The following AKAP9 variants were observed in gnomAD, a reference collection of about 807,000 sequenced individuals.
AKAP9 encodes A-kinase anchoring protein 9, also known as A-kinase anchor protein 9.
Under a neutral mutation model 488.5 loss-of-function variants are expected in AKAP9, and 311 were observed. The observed-to-expected ratio is 0.64, with a 90% CI of 0.58 to 0.70. AKAP9 has a LOEUF of 0.70. Among genes scored for constraint, AKAP9 ranks in the 30% least tolerant of loss-of-function variants. AKAP9 has a pLI of 0.00. For synonymous variants in AKAP9, 1,462 were observed against 1,483.5 expected, an observed-to-expected ratio of 0.99 and a Z score of 0.33; for missense variants, 4,215 against 4,374.5, an observed-to-expected ratio of 0.96 and a Z score of 1.03.
At chr7:92,059,286 A>T (rs1200865759) in intron 22 of AKAP9, among the ~76,000 whole-genome samples, 1 of 151,988 alleles carries the variant, frequency 6.6e-6, no homozygotes, top group Non-Finnish European at 1.5e-5. Context: ...AGGAATAAAC[A>T]TACTCTAACT....
At chr7:92,012,282 T>C in intron 8 of AKAP9, 147 bp from the exon 9 acceptor site, 1 of 670,556 alleles carries the variant, frequency 1.5e-6, no homozygotes, top group Non-Finnish European at 2.5e-6. Flanking sequence ...GGTAGATCAA[T>C]GCAACAGCAC....
intron 14 of AKAP9, among the ~76,000 whole-genome samples, 190 bp from the exon 15 acceptor site, chr7:92,029,705 T>A (rs1269089841): frequency 6.6e-6 from 1 of 152,240 alleles, no homozygotes; most frequent in African/African-American, 2.4e-5. Flanking sequence ...GGTAAAATAC[T>A]GTTATTCAAT....
chr7:92,040,602 T>C (rs766194947), intron 17 of AKAP9, 72 bp from the exon 18 acceptor site: 1 of 1,088,466 alleles, frequency 9.2e-7, no homozygotes, highest in Non-Finnish European at 1.4e-6. Flanking sequence ...TTGTTTACAA[T>C]ATTAATGCTG....
At chr7:92,054,701 A>G (rs1243925574) in intron 22 of AKAP9, among the ~76,000 whole-genome samples, 2 of 152,116 alleles carry the variant, frequency 1.3e-5, no homozygotes, top group Non-Finnish European at 2.9e-5. Flanking sequence ...GCCCAGTGGT[A>G]TGTCCAAGTC....
chr7:92,014,532 G>A (rs1053687511), intron 10 of AKAP9, among the ~76,000 whole-genome samples: 1 of 152,142 alleles, frequency 6.6e-6, no homozygotes, highest in Non-Finnish European at 1.5e-5. Context: ...GGGAGACTGA[G>A]GCATTGGAAT....
chr7:92,042,854 T>C (rs1263418531), intron 20 of AKAP9, 83 bp downstream of exon 20: 2 of 915,012 alleles, frequency 2.2e-6, no homozygotes, highest in Non-Finnish European at 3.6e-6. Context: ...TATTTTTATC[T>C]TGTACATTGA....
chr7:92,097,440 T>G, intron 41 of AKAP9, 83 bp downstream of exon 41: 1 of 1,541,850 alleles, frequency 6.5e-7, no homozygotes, highest in Non-Finnish European at 8.8e-7. Flanking sequence ...TGGATTAAAT[T>G]ACTTAAATAG....
intron 2 of AKAP9, among the ~76,000 whole-genome samples, chr7:91,975,578 A>T (rs950072411): frequency 6.6e-6 from 1 of 152,180 alleles, no homozygotes; most frequent in African/African-American, 2.4e-5. Context: ...CAACTAAACT[A>T]GAAATGTTCA....
chr7:92,072,924 T>C (rs1811953839), intron 28 of AKAP9, among the ~76,000 whole-genome samples: 1 of 152,166 alleles, frequency 6.6e-6, no homozygotes, highest in African/African-American at 2.4e-5. Flanking sequence ...TTAAGGGAAG[T>C]TAAATAACTT....
At position 92,032,677 on chromosome 7, in the gene AKAP9, T is replaced by G. The variant is rs916200389; in HGVS notation, c.4338+1073T>G. 9.2e-5 allele frequency among the ~76,000 whole-genome samples: 14 copies of G among 152,190 alleles called. No individual in the cohort carries two copies. The South Asian group carries it at 1.2e-3, about 14-fold the overall frequency. On this transcript the variant is annotated intron_variant, in intron 16 of 49. Transcript: ENST00000356239. ...ATAAGGAATTAGGAAAAACATAAAT[T>G]CGATGAGGAAGTCAAGACCTAAGGA...
In AKAP9 at chr7:92,001,943, C is replaced by A; in HGVS notation, c.2026C>A (p.Gln676Lys). 6.2e-7 allele frequency: 1 copy of A among 1,612,712 alleles called. No individual in the cohort carries two copies. The highest frequency in any genetic ancestry group is 1.1e-5 in the South Asian group (1 of 90,858). ...AGATGGTTTACAGAATGAAATGAGTCAAAAGATAGAAACCATGCAGTTTGA... is the reference window on the plus strand; with the variant it reads ...AGATGGTTTACAGAATGAAATGAGTAAAAAGATAGAAACCATGCAGTTTGA... ...QIDGLQNEMS[Q>K]KIETMQFEKD... Residue 676 changes from glutamine (Q) to lysine (K), a missense_variant, in exon 8 of 50, where the codon CAA becomes AAA. Around this residue, in one of 5 missense-constraint regions of AKAP9, gnomAD observed 2,361 missense variants for 2,430.0 expected, o/e 0.97. Transcript: ENST00000356239.
At chr7:91,957,711 G>A (rs972696695) in intron 1 of AKAP9, among the ~76,000 whole-genome samples, 4 of 152,094 alleles carry the variant, frequency 2.6e-5, no homozygotes, top group Admixed American at 1.3e-4. Context: ...TGTTCCTCCT[G>A]TAACTAAAGT....
At chr7:92,015,427 C>A (rs1428540125) in intron 10 of AKAP9, among the ~76,000 whole-genome samples, 1 of 149,640 alleles carries the variant, frequency 6.7e-6, no homozygotes, top group Non-Finnish European at 1.5e-5. Context: ...TGCAGTGGCA[C>A]AATCTCGGTT....
rs1799077439 is a variant in AKAP9 at position 92,000,912 on chromosome 7, A to G, written c.995A>G (p.Glu332Gly). The G allele has an allele frequency of 6.9e-7, 1 of 1,456,526 alleles. No homozygotes were observed. The highest frequency in any genetic ancestry group is 9.2e-7 in the Non-Finnish European group (1 of 1,084,212). The allele number at this position is 1,456,526 out of a possible 1,614,324, so 90.2% of individuals were successfully genotyped here. ...EEIQEKETII[E>G]ELNTKIIEEE... ...ATACAGGAAAAGGAGACAATCATTG[A>G]AGAATTAAACACAAAAATAATAGAA... Residue 332 changes from glutamate (E) to glycine (G), a missense_variant, in exon 8 of 50, where the codon GAA becomes GGA. Glu to Gly is a moderately conservative substitution (Grantham distance 98). This residue lies in a region of AKAP9 where 2,361 missense variants were observed against 2,430.0 expected (regional missense o/e 0.97). Coordinates refer to ENST00000356239, the MANE Select transcript of AKAP9 (RefSeq NM_005751.5).
At chr7:92,051,707 T>C (rs1431501114) in intron 21 of AKAP9, among the ~76,000 whole-genome samples, 1 of 152,214 alleles carries the variant, frequency 6.6e-6, no homozygotes, top group Non-Finnish European at 1.5e-5. Context: ...GTAGCTCTTA[T>C]TTTGAGTGAA....
chr7:91,972,549 T>G (rs1300668264), intron 1 of AKAP9, among the ~76,000 whole-genome samples: 1 of 152,230 alleles, frequency 6.6e-6, no homozygotes, highest in Non-Finnish European at 1.5e-5. Flanking sequence ...GTTTTTTCAC[T>G]TCTCCATGGT....
At chr7:91,953,534 C>G (rs1470814900) in intron 1 of AKAP9, among the ~76,000 whole-genome samples, 2 of 152,106 alleles carry the variant, frequency 1.3e-5, no homozygotes, top group Non-Finnish European at 2.9e-5. Context: ...TTGGTACTTG[C>G]GGTTGTTGTG....
At chr7:92,023,219 A>G (rs527509815) in intron 14 of AKAP9, among the ~76,000 whole-genome samples, 1 of 152,322 alleles carries the variant, frequency 6.6e-6, no homozygotes, top group Non-Finnish European at 1.5e-5. Flanking sequence ...ACATTATAGG[A>G]ATTTTACTTA....
intron 3 of AKAP9, among the ~76,000 whole-genome samples, chr7:91,987,325 A>G (rs1227309162): frequency 2.0e-5 from 3 of 152,044 alleles, no homozygotes; most frequent in Admixed American, 6.6e-5. Flanking sequence ...AGGCTGAGGC[A>G]GGAAAATTGT....
Sources: gnomAD v4.1 joint callset for allele counts (sites outside exome capture counted in the v4.1 genomes callset) on GRCh38, gnomAD v4.1.1 for gene constraint, gnomAD v4.1.1 regional missense constraint, MANE v1.5 for transcripts, NCBI Gene and HGNC (gene_info 2026-07-23, HGNC 2026-07-21) for gene names.